Variants in ATF6 observed in about 807,000 individuals in gnomAD.
The protein encoded by ATF6 is cyclic AMP-dependent transcription factor ATF-6 alpha.
In ATF6, 53 loss-of-function variants were observed where a neutral mutation model predicts 83.6. The ratio of observed to expected loss-of-function variants is 0.63; its 90% CI spans 0.51 to 0.80. The LOEUF is 0.80. ATF6 is among the 30% of genes least tolerant of loss of function. The pLI, the probability that ATF6 is intolerant of heterozygous loss-of-function variation, is 0.00. For synonymous variants in ATF6, 288 were observed against 285.8 expected (o/e 1.01, Z -0.08); for missense variants, 744 against 797.9 (o/e 0.93, Z 0.81).
chr1:161,812,273 A>G (rs529850383), intron 7 of ATF6, among the ~76,000 whole-genome samples: 2 of 131,166 alleles, frequency 1.5e-5, no homozygotes, highest in African/African-American at 5.9e-5. Flanking sequence ...TTAGTGATTA[A>G]ATAACATTTC....
chr1:161,836,805 C>T (rs543269261), intron 9 of ATF6, among the ~76,000 whole-genome samples: 12 of 152,296 alleles, frequency 7.9e-5, no homozygotes, highest in African/African-American at 2.9e-4. Context: ...CCCCACACTT[C>T]ATTGTTGTAA....
chr1:161,784,542 G>A (rs1684703624), intron 4 of ATF6, among the ~76,000 whole-genome samples: 2 of 152,216 alleles, frequency 1.3e-5, no homozygotes, highest in South Asian at 2.1e-4. Flanking sequence ...AGGGGCTCAC[G>A]TTTTTATAGA....
intron 7 of ATF6, among the ~76,000 whole-genome samples, chr1:161,815,184 ATT>A (rs34687938): frequency 0.062 from 5,983 of 96,384 alleles, 96 homozygotes; most frequent in African/African-American, 0.12. Context: ...TCCCATTTTA[ATT>A]TTTTTTTTTT....
chr1:161,784,270 C>T (rs1684698691), intron 4 of ATF6, among the ~76,000 whole-genome samples, 174 bp downstream of exon 4: 1 of 152,170 alleles, frequency 6.6e-6, no homozygotes, highest in Admixed American at 6.5e-5. Context: ...TTGTTAGTGC[C>T]TTTGGTTTTG....
chr1:161,823,315 T>C (rs558180768), intron 9 of ATF6, among the ~76,000 whole-genome samples: 24 of 152,282 alleles, frequency 1.6e-4, no homozygotes, highest in African/African-American at 4.3e-4. Flanking sequence ...GGTACTACTT[T>C]ATAGTTTTGT....
At chr1:161,916,061 T>C (rs1013349701) in intron 15 of ATF6, among the ~76,000 whole-genome samples, 1 of 152,194 alleles carries the variant, frequency 6.6e-6, no homozygotes, top group African/African-American at 2.4e-5. Context: ...TCTGATTCTG[T>C]CTTCTTTTCA....
intron 11 of ATF6, among the ~76,000 whole-genome samples, chr1:161,852,467 A>G (rs1303890595): frequency 6.6e-6 from 1 of 152,110 alleles, no homozygotes; most frequent in East Asian, 1.9e-4. Context: ...TCTTCTCCCA[A>G]AAGAGCATGA....
At chr1:161,843,873 C>G (rs1257615242) in intron 9 of ATF6, among the ~76,000 whole-genome samples, 1 of 151,940 alleles carries the variant, frequency 6.6e-6, no homozygotes, top group African/African-American at 2.4e-5. Context: ...TAATGAGGAG[C>G]CTAAAAGTTC....
At position 161,792,307 on chromosome 1, in the gene ATF6, T is replaced by G. The variant is rs780815661; in HGVS notation, c.668T>G (p.Leu223Ter). Reference sequence around the variant, plus strand: ...GCAAAGCAGCAACCAATTATCAGTTTACAACCTGCACCCACTAAAGGTACC... The same window carrying G: ...GCAAAGCAGCAACCAATTATCAGTTGACAACCTGCACCCACTAAAGGTACC... ...PLAKQQPIIS[L>*]QPAPTKGQTV... The change falls in exon 6 of 16, where the codon TTA (leucine) becomes TGA (stop). Residue 223 changes from leucine (L) to a stop codon, truncating the protein, a stop_gained. Coordinates refer to ENST00000367942, the MANE Select transcript of ATF6 (RefSeq NM_007348.4). LOFTEE classifies it high-confidence loss of function. 6.2e-7 allele frequency: 1 copy of G among 1,613,932 alleles called. No homozygotes were observed. The highest frequency in any genetic ancestry group is 8.5e-7 in the Non-Finnish European group (1 of 1,179,980).
chr1:161,936,513 G>A (rs1489010624), intron 15 of ATF6, among the ~76,000 whole-genome samples: 28 of 152,072 alleles, frequency 1.8e-4, no homozygotes, highest in Admixed American at 1.8e-3. Flanking sequence ...TTTCAAACAT[G>A]TCTCTGTTCT....
chr1:161,771,857 A>C (rs972777904), intron 1 of ATF6, among the ~76,000 whole-genome samples: 20 of 152,164 alleles, frequency 1.3e-4, no homozygotes, highest in African/African-American at 4.8e-4. Flanking sequence ...TGATTCTTGG[A>C]TGATTTCAGT....
At chr1:161,958,343 T>G (rs1689009498) in intron 15 of ATF6, 103 bp from the exon 16 acceptor site, 2 of 1,193,794 alleles carry the variant, frequency 1.7e-6, no homozygotes, top group Admixed American at 2.5e-5. Context: ...TTACTGACAG[T>G]TCACACCCTT....
Position 161,907,106 on chromosome 1 carries a change from G to A in ATF6, c.1720-5190G>A, listed in dbSNP as rs1687891995. 2.6e-5 allele frequency among the ~76,000 whole-genome samples: 4 copies of A among 152,066 alleles called. No homozygotes were observed. In the South Asian group the frequency reaches 8.3e-4, roughly 32 times the overall value. ...AATGAGCACATTTGGTTTTTGATCAGGAATTACTATAACTACTAGAAAACA... is the reference window on the plus strand; with the variant it reads ...AATGAGCACATTTGGTTTTTGATCAAGAATTACTATAACTACTAGAAAACA... On this transcript the variant is annotated intron_variant, in intron 14 of 15. Transcript: ENST00000367942.
intron 4 of ATF6, among the ~76,000 whole-genome samples, chr1:161,789,546 A>T (rs1684831304): frequency 6.6e-6 from 1 of 151,908 alleles, no homozygotes; most frequent in South Asian, 2.1e-4. Flanking sequence ...ATAGCATATT[A>T]CCTTGCTAAA....
intron 15 of ATF6, among the ~76,000 whole-genome samples, chr1:161,954,094 AC>A (rs1310903950): frequency 1.3e-5 from 2 of 152,164 alleles, no homozygotes; most frequent in African/African-American, 2.4e-5. Context: ...AAAAATACTA[AC>A]AGAAATGCAG....
intron 14 of ATF6, among the ~76,000 whole-genome samples, chr1:161,878,509 T>C (rs990144001): frequency 2.0e-5 from 3 of 151,848 alleles, no homozygotes; most frequent in African/African-American, 7.3e-5. Flanking sequence ...CCAAATTAGA[T>C]TTTGAATTGG....
chr1:161,793,002 G>C (rs1329231325), intron 6 of ATF6, among the ~76,000 whole-genome samples: 1 of 152,132 alleles, frequency 6.6e-6, no homozygotes, highest in Non-Finnish European at 1.5e-5. Flanking sequence ...ACTGATATCT[G>C]TATACACTGG....
intron 9 of ATF6, among the ~76,000 whole-genome samples, chr1:161,835,042 G>T (rs369711589): frequency 6.6e-5 from 10 of 152,218 alleles, no homozygotes; most frequent in Admixed American, 2.0e-4. Context: ...CCCAAAAAAT[G>T]TATAACCTGA....
chr1:161,805,655 G>T (rs890453791), intron 7 of ATF6, among the ~76,000 whole-genome samples: 1 of 152,200 alleles, frequency 6.6e-6, no homozygotes, highest in East Asian at 1.9e-4. Flanking sequence ...TAACTTGGTT[G>T]ACCTCAGTAT....
Sources: gnomAD v4.1 joint callset for allele counts (sites outside exome capture counted in the v4.1 genomes callset) on GRCh38, gnomAD v4.1.1 for gene constraint, MANE v1.5 for transcripts, NCBI Gene and HGNC (gene_info 2026-07-23, HGNC 2026-07-21) for gene names.